Variants in EPHA8 observed in about 807,000 individuals in gnomAD.
EPHA8 encodes EPH receptor A8.
In EPHA8, 58 loss-of-function variants were observed where a neutral mutation model predicts 103.6. The observed-to-expected ratio is 0.56, with a 90% CI of 0.45 to 0.70. EPHA8 has a LOEUF of 0.70. EPHA8 is among the 30% of genes least tolerant of loss of function. The probability of loss-of-function intolerance (pLI) is 0.00; values close to 1 mark genes in which losing one functional copy is unlikely to be tolerated. For missense variants in EPHA8, 1,304 were observed against 1,395.2 expected, an observed-to-expected ratio of 0.93 and a Z score of 1.04; for synonymous variants, 559 against 572.5, an observed-to-expected ratio of 0.98 and a Z score of 0.34.
intron 1 of EPHA8, among the ~76,000 whole-genome samples, chr1:22,568,311 TG>T (rs1640424482): frequency 6.6e-6 from 1 of 152,214 alleles, no homozygotes; most frequent in South Asian, 2.1e-4. Flanking sequence ...ATGTTGAGCC[TG>T]CAGGGTCCCC....
chr1:22,596,143 G>A lies in EPHA8; in HGVS notation c.1735G>A (p.Glu579Lys), dbSNP rs531926893. ...CAGCAAGGCCTTCCAGGACTCGGAC[G>A]AGGAGAAGATGCACTATCAGAATGG... ...GYSKAFQDSDEEKMHYQNGQA... is the reference protein window; with the variant it reads ...GYSKAFQDSDKEKMHYQNGQA... Residue 579 changes from glutamate to lysine, a missense_variant, in exon 9 of 17, where the codon GAG (glutamate) becomes AAG (lysine). Physicochemically the swap from Glu to Lys is moderately conservative, Grantham distance 56. Transcript: ENST00000166244. 54 of 1,613,984 alleles carry A rather than the reference G, an allele frequency of 3.3e-5. No individual in the cohort carries two copies. The highest frequency in any genetic ancestry group is 3.6e-5 in the Non-Finnish European group (42 of 1,179,992).
Position 22,569,553 on chromosome 1 carries a change from C to G in EPHA8, c.159+200C>G, listed in dbSNP as rs972496927. On this transcript the variant is annotated intron_variant, in intron 2 of 16. Transcript: ENST00000166244. This position sits in a 1 kb window ranked among gnomAD's most constrained non-coding sequence, Gnocchi z 4.5. Reference sequence around the variant, plus strand: ...AGACCCTTGAGATTACAGAACCAACCCTGGCACCAGATCCCTGATTCTTCA... The same window carrying G: ...AGACCCTTGAGATTACAGAACCAACGCTGGCACCAGATCCCTGATTCTTCA... 1.1e-4 allele frequency among the ~76,000 whole-genome samples: 16 copies of G among 152,206 alleles called. No homozygotes were observed. The highest frequency in any genetic ancestry group is 3.9e-4 in the African/African-American group (16 of 41,448).
Position 22,569,630 on chromosome 1 carries a change from T to C in EPHA8, c.159+277T>C, listed in dbSNP as rs1365851618. On this transcript the variant is annotated intron_variant, in intron 2 of 16. Coordinates refer to ENST00000166244, the MANE Select transcript of EPHA8 (RefSeq NM_020526.5). This position sits in a 1 kb window ranked among gnomAD's most constrained non-coding sequence, Gnocchi z 4.5. ...CCCATGGCTGCATCCTACAGATTCA[T>C]GAGGTGCCAGGCCAGGACTAAAGAA... Among the ~76,000 whole-genome samples, 2 of 152,166 alleles carry C rather than the reference T, an allele frequency of 1.3e-5. No individual in the cohort carries two copies. The highest frequency in any genetic ancestry group is 4.8e-5 in the African/African-American group (2 of 41,452).
intron 1 of EPHA8, among the ~76,000 whole-genome samples, chr1:22,565,932 A>G (rs1288991763): frequency 2.0e-5 from 3 of 152,208 alleles, no homozygotes; most frequent in Admixed American, 6.5e-5. Flanking sequence ...CCTGAGTTCC[A>G]TGTGGCGCAT....
intron 3 of EPHA8, among the ~76,000 whole-genome samples, 154 bp from the exon 4 acceptor site, chr1:22,586,326 T>C (rs639519): frequency 0.99 from 150,527 of 152,250 alleles, 74,412 homozygotes; most frequent in East Asian, 1. Flanking sequence ...AGTTCTGCCC[T>C]CTGCAAATGA....
At chr1:22,579,131 A>ATG (rs139294687) in intron 3 of EPHA8, among the ~76,000 whole-genome samples, 1,530 of 122,666 alleles carry the variant, frequency 0.012, 24 homozygotes, top group African/African-American at 0.039. Context: ...GTATGTGTGC[A>ATG]TGTGTGTGTG....
Position 22,589,298 on chromosome 1 carries a change from G to A in EPHA8, c.1315+92G>A. 1 of 1,612,692 alleles carries A rather than the reference G, an allele frequency of 6.2e-7. No homozygotes were observed. The highest frequency in any genetic ancestry group is 8.5e-7 in the Non-Finnish European group (1 of 1,179,690). On this transcript the variant is annotated intron_variant, in intron 5 of 16. Transcript: ENST00000166244. The surrounding 1 kb of genome is among the most constrained non-coding windows in gnomAD (Gnocchi z 4.3). The stretch of plus-strand genomic sequence containing the variant: ...GGGATCAGAGCTCTGCCGGGGACGT[G>A]CTGTGGGCCTTTAGGCAAGTGCCTC...
At position 22,589,787 on chromosome 1, in the gene EPHA8, G is replaced by A. The variant is rs1010388488; in HGVS notation, c.1315+581G>A. ...TCCCAAACTCTGGAGGACCCTGCCC[G>A]TCAAGTGACAGCGTGACCCAAGAGC... is the stretch of plus-strand genomic sequence containing the variant. On this transcript the variant is annotated intron_variant, in intron 5 of 16. Transcript: ENST00000166244. This position sits in a 1 kb window ranked among gnomAD's most constrained non-coding sequence, Gnocchi z 4.3. Among the ~76,000 whole-genome samples the A allele has an allele frequency of 9.9e-5, 15 of 152,170 alleles. No homozygotes were observed. The highest frequency in any genetic ancestry group is 3.6e-4 in the African/African-American group (15 of 41,508).
Position 22,602,981 on chromosome 1 carries a change from T to C in EPHA8, c.*1240T>C, listed in dbSNP as rs757235207. On this transcript the variant is annotated 3_prime_UTR_variant, in exon 17 of 17. Transcript: ENST00000166244. ...CGGCCCACCAGGGTATGTAAATATC[T>C]CTTTTCTACCATGTCAGAATATTTT... 3 of 152,514 alleles carry C rather than the reference T, an allele frequency of 2.0e-5. No homozygotes were observed. The highest frequency in any genetic ancestry group is 4.4e-5 in the Non-Finnish European group (3 of 68,036). The allele number at this position is 152,514 out of a possible 1,614,324, so 9.4% of individuals were successfully genotyped here.
intron 2 of EPHA8, among the ~76,000 whole-genome samples, chr1:22,571,049 C>T (rs1640530739): frequency 6.6e-6 from 1 of 152,124 alleles, no homozygotes; most frequent in Non-Finnish European, 1.5e-5. Flanking sequence ...CACGCCTGGG[C>T]CCTGGCTGGC....
intron 3 of EPHA8, among the ~76,000 whole-genome samples, chr1:22,577,139 C>T (rs1264045640): frequency 6.6e-6 from 1 of 152,172 alleles, no homozygotes; most frequent in East Asian, 1.9e-4. Flanking sequence ...GCGGTGCCTT[C>T]TGTGGGAGGT....
intron 14 of EPHA8, 42 bp from the exon 15 acceptor site, chr1:22,600,856 G>T (rs1166019565): frequency 3.1e-6 from 5 of 1,589,426 alleles, no homozygotes; most frequent in Non-Finnish European, 4.3e-6. Context: ...GAGCCTCAGG[G>T]TGCAGGGAGG....
intron 8 of EPHA8, 46 bp downstream of exon 8, chr1:22,595,369 C>T (rs371496542): frequency 3.0e-5 from 46 of 1,533,624 alleles, no homozygotes; most frequent in Non-Finnish European, 3.6e-5. Flanking sequence ...TCTCAAGCAC[C>T]GTACCTCCTG....
At chr1:22,578,182 G>A (rs62641606) in intron 3 of EPHA8, among the ~76,000 whole-genome samples, 32,285 of 143,276 alleles carry the variant, frequency 0.23, 4,437 homozygotes, top group African/African-American at 0.41. Flanking sequence ...GTGCATGTGT[G>A]TGCGTGCATG....
chr1:22,599,753 G>GGGAAGGAAGGGAGGGAGGAAGGAA (rs1641645564), intron 13 of EPHA8, among the ~76,000 whole-genome samples: 1 of 60,254 alleles, frequency 1.7e-5, no homozygotes, highest in Non-Finnish European at 3.2e-5. Context: ...GGAGGAAGGA[G>GGGAAGGAAGGGAGGGAGGAAGGAA]GGAAAGAAGG....
chr1:22,595,242 ACACCAGGAC>A lies in EPHA8; in HGVS notation c.1619_1627del (p.Thr540_Thr542del). ...CTTTCCCCTGCAGGGCCCCGCTATGACACCAGGACCATTGTCTGGATCTGCCTGACGCTC... is the reference window on the plus strand; with the variant it reads ...CTTTCCCCTGCAGGGCCCCGCTATGACATTGTCTGGATCTGCCTGACGCTC... On this transcript the variant is annotated inframe_deletion, in exon 8 of 17. Coordinates refer to ENST00000166244, the MANE Select transcript of EPHA8 (RefSeq NM_020526.5). 1 of 1,609,722 alleles carries A rather than the reference ACACCAGGAC, an allele frequency of 6.2e-7. No individual in the cohort carries two copies.
At position 22,601,515 on chromosome 1, in the gene EPHA8, A is replaced by AG. The variant is rs113696995; in HGVS notation, c.2903+51dup. On this transcript the variant is annotated intron_variant, in intron 16 of 16. Transcript: ENST00000166244. The stretch of plus-strand genomic sequence containing the variant: ...GCTGGGGCCCCATGCGTGTGGGGGC[A>AG]GGGGGGGGGACCCCTGCCGGGGAGG... 7,880 of 1,110,076 alleles carry AG rather than the reference A, an allele frequency of 7.1e-3. 170 individuals are homozygous for AG. The African/African-American group carries it at 0.099, about 14-fold the overall frequency. 68.8% of individuals were successfully genotyped at this position (1,110,076 alleles called of 1,614,324 possible). A position where few individuals can be genotyped will look rare whatever the true frequency, so the allele number is the denominator to read the frequency against.
chr1:22,578,353 T>TGTGC (rs1183507739), intron 3 of EPHA8, among the ~76,000 whole-genome samples: 3 of 150,278 alleles, frequency 2.0e-5, no homozygotes, highest in Non-Finnish European at 3.0e-5. Context: ...TGTGTGTATG[T>TGTGC]GTGCGTGCAT....
intron 14 of EPHA8, 21 bp from the exon 15 acceptor site, chr1:22,600,877 C>A: frequency 6.3e-7 from 1 of 1,594,150 alleles, no homozygotes; most frequent in Non-Finnish European, 8.6e-7. Context: ...GACGGCTGAG[C>A]CCAGCGCTGA....
Sources: allele counts gnomAD v4.1 joint callset (sites outside exome capture counted in the v4.1 genomes callset), GRCh38; gene constraint gnomAD v4.1.1; non-coding constraint Gnocchi (gnomAD v3.1); transcripts MANE v1.5; gene names NCBI Gene and HGNC (gene_info 2026-07-23, HGNC 2026-07-21).